Variants in CLSTN2 observed in about 807,000 individuals in gnomAD.
CLSTN2 encodes the protein calsyntenin 2.
Under a neutral mutation model 101.2 loss-of-function variants are expected in CLSTN2, and 48 were observed. The observed-to-expected ratio is 0.47, with a 90% CI of 0.38 to 0.60. The LOEUF is 0.60. Ranked by LOEUF, CLSTN2 falls within the 20% of genes least tolerant of loss-of-function variation. The probability of loss-of-function intolerance (pLI) is 0.00; values close to 1 mark genes in which losing one functional copy is unlikely to be tolerated. For missense variants in CLSTN2, 1,160 were observed against 1,238.2 expected (o/e 0.94, Z 0.95); for synonymous variants, 481 against 463.6 (o/e 1.04, Z -0.48).
chr3:140,310,220 C>A (rs934581752), intron 2 of CLSTN2, among the ~76,000 whole-genome samples: 1 of 152,154 alleles, frequency 6.6e-6, no homozygotes, highest in Non-Finnish European at 1.5e-5. Context: ...AAACCATAAA[C>A]CTGACTGTCA....
At chr3:140,058,265 T>C (rs1387885072) in intron 1 of CLSTN2, among the ~76,000 whole-genome samples, 6 of 152,276 alleles carry the variant, frequency 3.9e-5, no homozygotes, top group Admixed American at 2.6e-4. Flanking sequence ...ACTGAAATTC[T>C]GTGTGGGTAG....
chr3:140,207,156 G>T (rs557592663), intron 2 of CLSTN2, among the ~76,000 whole-genome samples: 1 of 152,224 alleles, frequency 6.6e-6, no homozygotes, highest in Admixed American at 6.5e-5. Flanking sequence ...CCAGCTTCTG[G>T]GGTGTTTGCA....
chr3:140,026,315 A>G (rs554404933), intron 1 of CLSTN2, among the ~76,000 whole-genome samples: 2 of 152,330 alleles, frequency 1.3e-5, no homozygotes, highest in African/African-American at 4.8e-5. Flanking sequence ...TCTTTCCCAG[A>G]CAGAAATGAT....
intron 1 of CLSTN2, among the ~76,000 whole-genome samples, chr3:140,045,156 G>A (rs1212756848): frequency 2.0e-5 from 3 of 152,144 alleles, no homozygotes; most frequent in East Asian, 1.9e-4. Context: ...AATCCGTCTG[G>A]TCCTGGACTT....
At chr3:140,380,200 A>C (rs2087963806) in intron 2 of CLSTN2, among the ~76,000 whole-genome samples, 1 of 152,204 alleles carries the variant, frequency 6.6e-6, no homozygotes, top group Admixed American at 6.5e-5. Flanking sequence ...AGGAATGCCC[A>C]AAAATGTGTG....
chr3:140,524,554 A>C (rs1935098576), intron 8 of CLSTN2, among the ~76,000 whole-genome samples: 1 of 152,212 alleles, frequency 6.6e-6, no homozygotes, highest in Non-Finnish European at 1.5e-5. Context: ...AACAAACAAT[A>C]AAATTCTGGC....
In CLSTN2 at chr3:140,562,873, C is replaced by G; in HGVS notation, c.2275C>G (p.Pro759Ala). ...LHHIRYRNWR[P>A]ASLEARRFRI... ...TCACATCCGCTACCGCAACTGGCGTCCGGCTTCCCTTGAGGCCCGGCGTTT... is the reference window on the plus strand; with the variant it reads ...TCACATCCGCTACCGCAACTGGCGTGCGGCTTCCCTTGAGGCCCGGCGTTT... The change falls in exon 14 of 17, where the codon CCG becomes GCG. Residue 759 changes from proline (P) to alanine (A), a missense_variant. Pro to Ala is a conservative substitution (Grantham distance 27, BLOSUM62 -1). Transcript: ENST00000458420. 1 of 1,614,144 alleles carries G rather than the reference C, an allele frequency of 6.2e-7. No individual in the cohort carries two copies. Among genetic ancestry groups the G allele is most frequent in the East Asian group, 2.2e-5 (1 of 44,854 alleles).
intron 2 of CLSTN2, among the ~76,000 whole-genome samples, chr3:140,298,897 G>T (rs1321496394): frequency 6.6e-6 from 1 of 152,186 alleles, no homozygotes; most frequent in Non-Finnish European, 1.5e-5. Context: ...ATAAAAGCTA[G>T]GGGACTTGGG....
intron 1 of CLSTN2, among the ~76,000 whole-genome samples, chr3:140,121,077 GA>G (rs2107799199): frequency 6.6e-6 from 1 of 152,298 alleles, no homozygotes; most frequent in Non-Finnish European, 1.5e-5. Context: ...TGAATGTGTG[GA>G]CAGGGGTGAG....
At chr3:140,478,954 A>G (rs1934055559) in intron 8 of CLSTN2, among the ~76,000 whole-genome samples, 1 of 152,136 alleles carries the variant, frequency 6.6e-6, no homozygotes, top group African/African-American at 2.4e-5. Context: ...GATGAAATTC[A>G]TCAATGCCAG....
intron 8 of CLSTN2, among the ~76,000 whole-genome samples, chr3:140,524,132 C>G (rs1576611212): frequency 1.3e-5 from 2 of 152,306 alleles, no homozygotes; most frequent in East Asian, 3.9e-4. Flanking sequence ...GCTTGGATAA[C>G]AGATTGCATG....
intron 5 of CLSTN2, among the ~76,000 whole-genome samples, chr3:140,436,715 C>T (rs765331667): frequency 4.3e-4 from 66 of 152,202 alleles, no homozygotes; most frequent in Non-Finnish European, 7.3e-4. Flanking sequence ...GTGGGGAATG[C>T]GGAGAACCTG....
At chr3:140,403,374 C>T (rs76430510) in intron 2 of CLSTN2, among the ~76,000 whole-genome samples, 1,907 of 152,220 alleles carry the variant, frequency 0.013, 18 homozygotes, top group Middle Eastern at 0.031. Flanking sequence ...GCTGCTCATA[C>T]ATTAGTGAGC....
At chr3:140,005,044 T>C (rs1166888794) in intron 1 of CLSTN2, among the ~76,000 whole-genome samples, 1 of 152,104 alleles carries the variant, frequency 6.6e-6, no homozygotes, top group East Asian at 1.9e-4. Context: ...GAAAGAGTGG[T>C]GGTCTGTGGC....
At chr3:139,943,940 C>A (rs1216122561) in intron 1 of CLSTN2, among the ~76,000 whole-genome samples, 3 of 152,188 alleles carry the variant, frequency 2.0e-5, no homozygotes, top group Non-Finnish European at 2.9e-5. Context: ...TCCAGGGAAG[C>A]CCCAGACCTC....
At chr3:140,138,246 A>C (rs905850853) in intron 1 of CLSTN2, among the ~76,000 whole-genome samples, 1 of 152,210 alleles carries the variant, frequency 6.6e-6, no homozygotes, top group African/African-American at 2.4e-5. Flanking sequence ...AGAAGGACCA[A>C]GTACCTTGCA....
intron 2 of CLSTN2, among the ~76,000 whole-genome samples, chr3:140,358,758 A>T (rs146050578): frequency 6.6e-5 from 10 of 151,910 alleles, no homozygotes; most frequent in African/African-American, 2.4e-4. Flanking sequence ...CCTTATTTTG[A>T]TCCCATTAGT....
intron 5 of CLSTN2, among the ~76,000 whole-genome samples, chr3:140,424,598 G>A (rs1243610720): frequency 1.3e-5 from 2 of 152,236 alleles, no homozygotes; most frequent in Non-Finnish European, 2.9e-5. Flanking sequence ...TCCCAGCTGT[G>A]TAGAGCAAAC....
At chr3:140,115,935 G>A (rs1171417485) in intron 1 of CLSTN2, among the ~76,000 whole-genome samples, 1 of 152,206 alleles carries the variant, frequency 6.6e-6, no homozygotes, top group African/African-American at 2.4e-5. Context: ...ATCGGTTGAT[G>A]AGAATGTAGA....
Sources: allele counts gnomAD v4.1 joint callset (sites outside exome capture counted in the v4.1 genomes callset), GRCh38; gene constraint gnomAD v4.1.1; transcripts MANE v1.5; gene names NCBI Gene and HGNC (gene_info 2026-07-23, HGNC 2026-07-21).